SLC6A11: variants seen among roughly 807,000 people sequenced by gnomAD.
SLC6A11 encodes solute carrier family 6 member 11.
A neutral mutation model predicts 74.8 loss-of-function variants in SLC6A11; 25 were observed. That is an observed-to-expected ratio of 0.33 (90% CI 0.24 to 0.47). The LOEUF is 0.47. SLC6A11 is among the 20% of genes least tolerant of loss of function. SLC6A11 has a pLI of 1.00. For synonymous variants in SLC6A11, 330 were observed against 330.2 expected, an observed-to-expected ratio of 1.00 and a Z score of 0.01; for missense variants, 574 against 837.0, an observed-to-expected ratio of 0.69 and a Z score of 3.88.
At chr3:10,826,297 T>C (rs1157840170) in intron 4 of SLC6A11, among the ~76,000 whole-genome samples, 1 of 152,238 alleles carries the variant, frequency 6.6e-6, no homozygotes, top group Admixed American at 6.5e-5. Context: ...CTGTTAGATA[T>C]GTGCTTGAAA....
chr3:10,842,937 G>A (rs878990511), intron 4 of SLC6A11, among the ~76,000 whole-genome samples: 3 of 152,102 alleles, frequency 2.0e-5, no homozygotes, highest in African/African-American at 2.4e-5. Flanking sequence ...GGCCCCAAGC[G>A]GATTCCCAGG....
chr3:10,837,834 C>T (rs1255968362), intron 4 of SLC6A11, among the ~76,000 whole-genome samples: 1 of 152,204 alleles, frequency 6.6e-6, no homozygotes, highest in Non-Finnish European at 1.5e-5. Flanking sequence ...CGGAGTCCCC[C>T]CATAAATGTG....
chr3:10,873,559 C>CTATCCTATGGCATG, intron 5 of SLC6A11, among the ~76,000 whole-genome samples: 1 of 134,022 alleles, frequency 7.5e-6, no homozygotes, highest in African/African-American at 3.2e-5. Flanking sequence ...CCTACCCTAC[C>CTATCCTATGGCATG]CTACCCTACC....
chr3:10,856,937 T>A (rs1694645205), intron 5 of SLC6A11, among the ~76,000 whole-genome samples: 1 of 152,138 alleles, frequency 6.6e-6, no homozygotes, highest in Admixed American at 6.5e-5. Context: ...AAGGCTCAAG[T>A]GAGGCGATGT....
chr3:10,932,426 C>G (rs745893643), intron 10 of SLC6A11, among the ~76,000 whole-genome samples: 9 of 152,312 alleles, frequency 5.9e-5, no homozygotes, highest in South Asian at 4.1e-4. Context: ...TTTATCACCA[C>G]CTACTGTGCA....
At chr3:10,879,527 G>A (rs746368947) in intron 6 of SLC6A11, among the ~76,000 whole-genome samples, 1 of 152,130 alleles carries the variant, frequency 6.6e-6, no homozygotes, top group Non-Finnish European at 1.5e-5. Context: ...CCTCTAGGGG[G>A]CCATGTCCCC....
At chr3:10,820,098 C>T (rs1175256010) in intron 3 of SLC6A11, among the ~76,000 whole-genome samples, 3 of 152,164 alleles carry the variant, frequency 2.0e-5, no homozygotes, top group African/African-American at 7.2e-5. Flanking sequence ...GATGTTCTGT[C>T]CTCTGTTTGT....
At chr3:10,906,503 T>C (rs1045365334) in intron 6 of SLC6A11, among the ~76,000 whole-genome samples, 1 of 152,118 alleles carries the variant, frequency 6.6e-6, no homozygotes, top group Non-Finnish European at 1.5e-5. Flanking sequence ...CCCATAAAGC[T>C]CTAACATGTA....
chr3:10,936,112 G>T (rs1269529877), intron 13 of SLC6A11, among the ~76,000 whole-genome samples: 1 of 152,150 alleles, frequency 6.6e-6, no homozygotes, highest in South Asian at 2.1e-4. Context: ...GTGGGTTTCT[G>T]CTTATTTAGT....
chr3:10,895,679 C>T (rs192235548), intron 6 of SLC6A11, among the ~76,000 whole-genome samples: 1 of 152,276 alleles, frequency 6.6e-6, no homozygotes, highest in Non-Finnish European at 1.5e-5. Context: ...TTGGTAGGTG[C>T]AGCAAACTGT....
chr3:10,873,996 T>TGCTATGCTACGCTACGCTACGCTAC (rs1694877961), intron 5 of SLC6A11, among the ~76,000 whole-genome samples: 4 of 128,622 alleles, frequency 3.1e-5, no homozygotes, highest in African/African-American at 1.5e-4. Flanking sequence ...CGCTACGCTA[T>TGCTATGCTACGCTACGCTACGCTAC]GCTATGCTAT....
At chr3:10,846,779 G>A (rs555715039) in intron 5 of SLC6A11, among the ~76,000 whole-genome samples, 4 of 152,288 alleles carry the variant, frequency 2.6e-5, no homozygotes, top group South Asian at 2.1e-4. Flanking sequence ...GGGAGCCGCT[G>A]CCTCTACCTT....
chr3:10,849,094 G>T (rs1425354969), intron 5 of SLC6A11, among the ~76,000 whole-genome samples: 1 of 152,174 alleles, frequency 6.6e-6, no homozygotes, highest in African/African-American at 2.4e-5. Flanking sequence ...TAAAATAGCT[G>T]CAGTTTTAGT....
At chr3:10,885,988 A>C (rs1695037868) in intron 6 of SLC6A11, among the ~76,000 whole-genome samples, 2 of 151,342 alleles carry the variant, frequency 1.3e-5, no homozygotes, top group African/African-American at 2.4e-5. Flanking sequence ...CACTGTCCTC[A>C]CTCTGGCACT....
At chr3:10,832,361 A>G (rs1341537107) in intron 4 of SLC6A11, among the ~76,000 whole-genome samples, 1 of 152,108 alleles carries the variant, frequency 6.6e-6, no homozygotes, top group African/African-American at 2.4e-5. Flanking sequence ...CATTGAGGAC[A>G]CACACCAGAC....
At chr3:10,917,984 GC>G (rs1462070179) in intron 7 of SLC6A11, among the ~76,000 whole-genome samples, 1 of 152,202 alleles carries the variant, frequency 6.6e-6, no homozygotes, top group Non-Finnish European at 1.5e-5. Context: ...TACTTTCCCA[GC>G]CTTTCTCTCC....
chr3:10,902,673 T>A (rs1695254943), intron 6 of SLC6A11, among the ~76,000 whole-genome samples: 1 of 152,182 alleles, frequency 6.6e-6, no homozygotes, highest in African/African-American at 2.4e-5. Context: ...GACCCCAAAG[T>A]TTTTGCCCTT....
At chr3:10,906,442 T>C (rs1221638100) in intron 6 of SLC6A11, among the ~76,000 whole-genome samples, 2 of 152,090 alleles carry the variant, frequency 1.3e-5, no homozygotes, top group African/African-American at 4.8e-5. Context: ...TAGGATAAGA[T>C]GAAGATGAAC....
intron 11 of SLC6A11, among the ~76,000 whole-genome samples, chr3:10,933,604 C>G (rs546751147): frequency 3.9e-5 from 6 of 152,208 alleles, no homozygotes; most frequent in Non-Finnish European, 8.8e-5. Flanking sequence ...CCATAGACAA[C>G]CACCTCAGGT....
Sources: allele counts gnomAD v4.1 joint callset (sites outside exome capture counted in the v4.1 genomes callset), GRCh38; gene constraint gnomAD v4.1.1; transcripts MANE v1.5; gene names NCBI Gene and HGNC (gene_info 2026-07-23, HGNC 2026-07-21).